Variants in WDR37 observed in about 807,000 individuals in gnomAD.
WDR37 encodes the protein WD repeat domain 37.
In WDR37, 19 loss-of-function variants were observed where a neutral mutation model predicts 62.9. That is an observed-to-expected ratio of 0.30 (90% confidence interval 0.21 to 0.44). The LOEUF (loss-of-function observed/expected upper bound fraction) is 0.44. Ranked by LOEUF, WDR37 falls within the 20% of genes least tolerant of loss-of-function variation. The probability of loss-of-function intolerance (pLI) is 1.00; values close to 1 mark genes in which losing one functional copy is unlikely to be tolerated. For synonymous variants in WDR37, 250 were observed against 260.9 expected, an observed-to-expected ratio of 0.96 and a Z score of 0.40; for missense variants, 474 against 657.6, an observed-to-expected ratio of 0.72 and a Z score of 3.05.
chr10:1,060,164 A>G (rs543793328), intron 1 of WDR37, among the ~76,000 whole-genome samples: 48 of 152,328 alleles, frequency 3.2e-4, no homozygotes, highest in Non-Finnish European at 5.3e-4. Context: ...TCTAAAGATG[A>G]GGAATTCAGC....
At chr10:1,093,076 C>T (rs755221093) in intron 7 of WDR37, among the ~76,000 whole-genome samples, 11 of 151,804 alleles carry the variant, frequency 7.2e-5, no homozygotes, top group East Asian at 1.9e-4. Context: ...GCGGATGGGG[C>T]GGGGCTTATG....
intron 9 of WDR37, among the ~76,000 whole-genome samples, chr10:1,101,008 T>G (rs1834777206): frequency 6.6e-6 from 1 of 152,216 alleles, no homozygotes; most frequent in Admixed American, 6.5e-5. Context: ...TGTCACCCAG[T>G]GCTTTAGACC....
At chr10:1,126,453 G>A (rs1431477234) in intron 13 of WDR37, among the ~76,000 whole-genome samples, 1 of 152,000 alleles carries the variant, frequency 6.6e-6, no homozygotes, top group South Asian at 2.1e-4. Flanking sequence ...CGTCTGCCCA[G>A]CCTTGTGCGT....
At chr10:1,117,057 A>G (rs1461718442) in intron 11 of WDR37, among the ~76,000 whole-genome samples, 1 of 151,876 alleles carries the variant, frequency 6.6e-6, no homozygotes, top group African/African-American at 2.4e-5. Context: ...TTAAATTTTT[A>G]TTGGTTTATT....
chr10:1,080,619 G>T, intron 5 of WDR37, 143 bp downstream of exon 5: 1 of 964,520 alleles, frequency 1.0e-6, no homozygotes. Flanking sequence ...TTAAAGGAAT[G>T]TCCTGGCTGG....
chr10:1,126,136 T>C (rs1405818568), intron 13 of WDR37, among the ~76,000 whole-genome samples: 1 of 152,156 alleles, frequency 6.6e-6, no homozygotes, highest in African/African-American at 2.4e-5. Context: ...CTGGTCGCAG[T>C]GGCTGACGCC....
At chr10:1,085,187 T>C (rs1834162326) in intron 6 of WDR37, among the ~76,000 whole-genome samples, 1 of 152,020 alleles carries the variant, frequency 6.6e-6, no homozygotes, top group African/African-American at 2.4e-5. Context: ...TTAGCTAGGA[T>C]GGTCTTGATC....
intron 11 of WDR37, among the ~76,000 whole-genome samples, chr10:1,110,236 C>T (rs892153736): frequency 1.2e-4 from 18 of 152,148 alleles, no homozygotes; most frequent in Admixed American, 7.9e-4. Flanking sequence ...CTCAGCTGTG[C>T]GCATGCAGGA....
At chr10:1,117,609 C>G (rs1238120072) in intron 11 of WDR37, among the ~76,000 whole-genome samples, 2 of 152,182 alleles carry the variant, frequency 1.3e-5, no homozygotes, top group African/African-American at 4.8e-5. Context: ...GACACATACT[C>G]AAAACTTCCT....
rs1195567035 is a variant in WDR37 at position 1,056,465 on chromosome 10, G to GC, written c.-540dup. The stretch of plus-strand genomic sequence containing the variant: ...GGCACCGCGGCCCTGAGCGCAGGCG[G>GC]CCCCGGGTCTCAGGCCTCAGGCGGA... On this transcript the variant is annotated 5_prime_UTR_variant, in exon 1 of 14. Transcript: ENST00000263150. The GC allele has an allele frequency of 6.6e-6, 1 of 152,148 alleles. No individual in the cohort carries two copies. Among genetic ancestry groups the GC allele is most frequent in the African/African-American group, 2.4e-5 (1 of 41,432 alleles). 9.4% of individuals were successfully genotyped at this position (152,148 alleles called of 1,614,324 possible). A position where few individuals can be genotyped will look rare whatever the true frequency, so the allele number is the denominator to read the frequency against.
intron 5 of WDR37, 126 bp from the exon 6 acceptor site, chr10:1,084,277 G>C (rs1281576912): frequency 8.0e-7 from 1 of 1,257,264 alleles, no homozygotes; most frequent in Non-Finnish European, 1.1e-6. Flanking sequence ...TGTGTTCCTT[G>C]ATGCTTTAAC....
At chr10:1,120,269 T>A (rs570741290) in intron 11 of WDR37, among the ~76,000 whole-genome samples, 1 of 152,112 alleles carries the variant, frequency 6.6e-6, no homozygotes, top group South Asian at 2.1e-4. Flanking sequence ...GTGTTAGGAG[T>A]TGGATTTCAT....
rs1834986495 is a variant in WDR37 at position 1,105,754 on chromosome 10, C to G, written c.1103+487C>G. On this transcript the variant is annotated intron_variant, in intron 11 of 13. Transcript: ENST00000263150. This position sits in a 1 kb window ranked among gnomAD's most constrained non-coding sequence, Gnocchi z 5.3. ...TAGACCCTCAATCCAGTGTGTCCCTCTCTGCTTGGGTTTCTCTCCGGCAAC... is the reference window on the plus strand; with the variant it reads ...TAGACCCTCAATCCAGTGTGTCCCTGTCTGCTTGGGTTTCTCTCCGGCAAC... 6.6e-6 allele frequency among the ~76,000 whole-genome samples: 1 copy of G among 152,050 alleles called. No homozygotes were observed. Among genetic ancestry groups the G allele is most frequent in the Non-Finnish European group, 1.5e-5 (1 of 68,020 alleles).
At chr10:1,064,044 G>T (rs528820144) in intron 1 of WDR37, among the ~76,000 whole-genome samples, 1 of 152,312 alleles carries the variant, frequency 6.6e-6, no homozygotes, top group East Asian at 1.9e-4. Flanking sequence ...AGCGATTGTA[G>T]AAATGCTTCA....
In WDR37 at chr10:1,086,330, G is replaced by A. The variant is rs372574191; in HGVS notation, c.577G>A (p.Val193Ile). The A allele has an allele frequency of 4.3e-6, 7 of 1,614,066 alleles. No individual in the cohort carries two copies. In the African/African-American group the frequency reaches 6.7e-5, roughly 15 times the overall value. Residue 193 changes from valine (V) to isoleucine (I), a missense_variant, in exon 7 of 14, where the codon GTC (valine) becomes ATC (isoleucine). Transcript: ENST00000263150. ...LWSIETGKCL[V>I]KYAGHVGSVN... ...GAGCATAGAGACAGGGAAGTGCCTA[G>A]TCAAGTACGCAGGCCACGTGGGCTC...
At chr10:1,083,856 G>A (rs1489939743) in intron 5 of WDR37, among the ~76,000 whole-genome samples, 2 of 152,194 alleles carry the variant, frequency 1.3e-5, no homozygotes, top group East Asian at 3.9e-4. Context: ...CGGGCAAACC[G>A]GCACACCTAT....
intron 1 of WDR37, among the ~76,000 whole-genome samples, chr10:1,059,835 A>G (rs1833317997): frequency 6.6e-6 from 1 of 152,204 alleles, no homozygotes; most frequent in African/African-American, 2.4e-5. Flanking sequence ...GAGAAAGAGC[A>G]GAAAGCTAAG....
At chr10:1,076,374 A>T (rs910573349) in intron 2 of WDR37, among the ~76,000 whole-genome samples, 3 of 152,098 alleles carry the variant, frequency 2.0e-5, no homozygotes, top group African/African-American at 7.2e-5. Flanking sequence ...AATATAGTGC[A>T]TCTTTTTAAA....
At chr10:1,062,054 G>A (rs903927458) in intron 1 of WDR37, among the ~76,000 whole-genome samples, 6 of 151,944 alleles carry the variant, frequency 3.9e-5, no homozygotes, top group African/African-American at 1.2e-4. Flanking sequence ...GGAGGATGTG[G>A]TGTGAAAGGA....
Sources: gnomAD v4.1 joint callset for allele counts (sites outside exome capture counted in the v4.1 genomes callset) on GRCh38, gnomAD v4.1.1 for gene constraint, Gnocchi (gnomAD v3.1) non-coding constraint, MANE v1.5 for transcripts, NCBI Gene and HGNC (gene_info 2026-07-23, HGNC 2026-07-21) for gene names.